Variants in PARD3B observed in about 807,000 individuals in gnomAD.
The protein encoded by PARD3B is par-3 family cell polarity regulator beta.
Under a neutral mutation model 130.2 loss-of-function variants are expected in PARD3B, and 103 were observed. The observed-to-expected ratio is 0.79, with a 90% CI of 0.67 to 0.93. The LOEUF (loss-of-function observed/expected upper bound fraction) is 0.93. PARD3B is among the 40% of genes least tolerant of loss of function. The pLI is 0.00. For missense variants in PARD3B, 1,609 were observed against 1,499.2 expected, an observed-to-expected ratio of 1.07 and a Z score of -1.21; for synonymous variants, 583 against 553.2, an observed-to-expected ratio of 1.05 and a Z score of -0.76.
intron 5 of PARD3B, among the ~76,000 whole-genome samples, chr2:205,104,785 C>G (rs1703083862): frequency 6.6e-6 from 1 of 152,184 alleles, no homozygotes; most frequent in African/African-American, 2.4e-5. Context: ...TCTCCTCAAA[C>G]AGCAATTTCA....
chr2:205,202,445 T>G (rs548872000), intron 15 of PARD3B, among the ~76,000 whole-genome samples: 1 of 152,230 alleles, frequency 6.6e-6, no homozygotes, highest in Admixed American at 6.5e-5. Flanking sequence ...TTTGTATTCA[T>G]TCTTACTACT....
intron 1 of PARD3B, among the ~76,000 whole-genome samples, chr2:204,561,964 C>T (rs867398603): frequency 3.2e-4 from 48 of 152,192 alleles, no homozygotes; most frequent in South Asian, 1.7e-3. Context: ...AAGGGATTGC[C>T]GCTGTTAGGA....
At chr2:205,096,003 A>G (rs1436475794) in intron 4 of PARD3B, among the ~76,000 whole-genome samples, 1 of 152,070 alleles carries the variant, frequency 6.6e-6, no homozygotes, top group African/African-American at 2.4e-5. Context: ...GGTATGCTTC[A>G]TGCCATAGAT....
intron 2 of PARD3B, among the ~76,000 whole-genome samples, chr2:204,875,507 G>A (rs188252318): frequency 6.0e-4 from 91 of 152,214 alleles, no homozygotes; most frequent in African/African-American, 2.1e-3. Flanking sequence ...GTGGGTCTGG[G>A]GTGGGTCTGA....
At chr2:205,313,345 C>A (rs1044850775) in intron 18 of PARD3B, among the ~76,000 whole-genome samples, 2 of 152,182 alleles carry the variant, frequency 1.3e-5, no homozygotes, top group Admixed American at 6.5e-5. Context: ...AGCTGTCAAG[C>A]ATATCTGCAA....
chr2:205,344,970 A>G (rs1286597709), intron 18 of PARD3B, among the ~76,000 whole-genome samples: 1 of 152,190 alleles, frequency 6.6e-6, no homozygotes, highest in Non-Finnish European at 1.5e-5. Flanking sequence ...TTCACATTCA[A>G]AAAGAACAAT....
At chr2:205,044,104 A>G (rs1248604254) in intron 3 of PARD3B, among the ~76,000 whole-genome samples, 7 of 151,988 alleles carry the variant, frequency 4.6e-5, no homozygotes, top group Non-Finnish European at 8.8e-5. Context: ...ATGATTTCCA[A>G]TTTGATCCAT....
intron 2 of PARD3B, among the ~76,000 whole-genome samples, chr2:204,726,567 C>T (rs558450315): frequency 6.6e-6 from 1 of 152,308 alleles, no homozygotes; most frequent in South Asian, 2.1e-4. Flanking sequence ...CCTTTTACCT[C>T]TTAGTCCATG....
In PARD3B at chr2:205,351,814, C is replaced by A. The variant is rs913506009; in HGVS notation, c.2631-49199C>A. Among the ~76,000 whole-genome samples, 1 of 147,684 alleles carries A rather than the reference C, an allele frequency of 6.8e-6. No individual in the cohort carries two copies. The highest frequency in any genetic ancestry group is 2.5e-5 in the African/African-American group (1 of 40,326). Reference sequence around the variant, plus strand: ...GGGCAGAAACAAGAAAAAAAAAAAACGTTGGCTTCCAGAGACCAGAGACTT... The same window carrying A: ...GGGCAGAAACAAGAAAAAAAAAAAAAGTTGGCTTCCAGAGACCAGAGACTT... On this transcript the variant is annotated intron_variant, in intron 18 of 22. Transcript: ENST00000406610. This position sits in a 1 kb window ranked among gnomAD's most constrained non-coding sequence, Gnocchi z 4.2.
intron 4 of PARD3B, among the ~76,000 whole-genome samples, chr2:205,095,592 C>T (rs938100102): frequency 2.0e-5 from 3 of 152,050 alleles, no homozygotes; most frequent in South Asian, 2.1e-4. Context: ...TCTGATACCT[C>T]GATGAGATGG....
chr2:205,228,342 C>G (rs1274336559), intron 15 of PARD3B, among the ~76,000 whole-genome samples: 1 of 152,094 alleles, frequency 6.6e-6, no homozygotes, highest in African/African-American at 2.4e-5. Context: ...ATTTCTCCTT[C>G]ACGTTTGAAG....
chr2:204,834,769 C>T (rs1193013573), intron 2 of PARD3B, among the ~76,000 whole-genome samples: 1 of 152,200 alleles, frequency 6.6e-6, no homozygotes, highest in Non-Finnish European at 1.5e-5. Context: ...CATAGTTCAG[C>T]AGCAGAGTGT....
chr2:205,020,716 G>A (rs962867801), intron 3 of PARD3B, among the ~76,000 whole-genome samples: 2 of 152,114 alleles, frequency 1.3e-5, no homozygotes, highest in African/African-American at 4.8e-5. Flanking sequence ...TGTTGTCGAA[G>A]TCAGATGGCT....
At chr2:205,178,405 A>G (rs1404187136) in intron 13 of PARD3B, among the ~76,000 whole-genome samples, 3 of 152,090 alleles carry the variant, frequency 2.0e-5, no homozygotes, top group African/African-American at 4.8e-5. Context: ...GTGAGCCAAG[A>G]TCGTGCCACT....
Position 205,276,070 on chromosome 2 carries a change from A to G in PARD3B, c.2186-24460A>G, listed in dbSNP as rs1266996844. Among the ~76,000 whole-genome samples the G allele has an allele frequency of 3.3e-5, 5 of 152,218 alleles. No homozygotes were observed. The highest frequency in any genetic ancestry group is 5.9e-5 in the Non-Finnish European group (4 of 68,030). ...AAATCTATTAAGAGTTAGTCTTAAT[A>G]CAAGTAACTGAAGTTGTTGCCTTCA... On this transcript the variant is annotated intron_variant, in intron 16 of 22. Transcript: ENST00000406610. The surrounding 1 kb of genome is among the most constrained non-coding windows in gnomAD (Gnocchi z 5.0).
intron 15 of PARD3B, among the ~76,000 whole-genome samples, chr2:205,205,475 A>G (rs552662790): frequency 6.6e-6 from 1 of 152,122 alleles, no homozygotes; most frequent in African/African-American, 2.4e-5. Context: ...AGAACTTCCA[A>G]TACTATGTTA....
At chr2:205,547,955 G>T (rs1186526460) in intron 21 of PARD3B, among the ~76,000 whole-genome samples, 4 of 152,178 alleles carry the variant, frequency 2.6e-5, no homozygotes, top group African/African-American at 9.7e-5. Context: ...ATTGGATGAA[G>T]TGCACTAACA....
chr2:204,881,830 A>G (rs1450109396), intron 2 of PARD3B, among the ~76,000 whole-genome samples: 6 of 152,202 alleles, frequency 3.9e-5, no homozygotes, highest in Admixed American at 3.9e-4. Context: ...AGGACTGCCT[A>G]GTCGCCTCTT....
intron 3 of PARD3B, among the ~76,000 whole-genome samples, chr2:205,016,384 C>T (rs1253728993): frequency 6.6e-6 from 1 of 152,128 alleles, no homozygotes; most frequent in Non-Finnish European, 1.5e-5. Context: ...CCCTGGCCTT[C>T]TTCACGTACC....
Sources: gnomAD v4.1 joint callset for allele counts (sites outside exome capture counted in the v4.1 genomes callset) on GRCh38, gnomAD v4.1.1 for gene constraint, Gnocchi (gnomAD v3.1) non-coding constraint, MANE v1.5 for transcripts, NCBI Gene and HGNC (gene_info 2026-07-23, HGNC 2026-07-21) for gene names.